Variants in TGFA observed in about 807,000 individuals in gnomAD.
The protein encoded by TGFA is protransforming growth factor alpha.
A neutral mutation model predicts 21.7 loss-of-function variants in TGFA; 12 were observed. The ratio of observed to expected loss-of-function variants is 0.55; its 90% CI spans 0.35 to 0.90. The LOEUF (loss-of-function observed/expected upper bound fraction) is 0.90, where lower values mean the gene tolerates loss of function less well. Among genes scored for constraint, TGFA ranks in the 40% least tolerant of loss-of-function variants. The pLI is 0.01. For missense variants in TGFA, 178 were observed against 210.8 expected (o/e 0.84, Z 0.96); for synonymous variants, 79 against 88.1 (o/e 0.90, Z 0.58).
intron 2 of TGFA, among the ~76,000 whole-genome samples, chr2:70,466,419 A>G (rs1670563390): frequency 6.6e-6 from 1 of 152,202 alleles, no homozygotes; most frequent in South Asian, 2.1e-4. Flanking sequence ...AGGCAGGAGA[A>G]TGGCGAGAAC....
At chr2:70,474,353 G>A (rs1412608867) in intron 2 of TGFA, among the ~76,000 whole-genome samples, 1 of 152,236 alleles carries the variant, frequency 6.6e-6, no homozygotes, top group Non-Finnish European at 1.5e-5. Context: ...AGAAAATTAG[G>A]ATGCTATTCA....
At chr2:70,467,727 G>A (rs1553492555) in intron 2 of TGFA, 1 of 152,026 alleles carries the variant, frequency 6.6e-6, no homozygotes, top group Non-Finnish European at 1.5e-5. Flanking sequence ...TAATATCTTG[G>A]GAGATTTTAG....
intron 2 of TGFA, among the ~76,000 whole-genome samples, chr2:70,511,433 C>T (rs1672097328): frequency 6.6e-6 from 1 of 152,140 alleles, no homozygotes; most frequent in Non-Finnish European, 1.5e-5. Flanking sequence ...AGTCACTCAG[C>T]AGAGACATGA....
In TGFA at chr2:70,550,559, G is replaced by T. The variant is rs1198108488; in HGVS notation, c.40+3169C>A. Reference sequence around the variant, plus strand: ...TCCAGGGCCGGGCACGGTGGCTCACGCCTGTAATCCCAGCCCTTTGGGAGG... The same window carrying T: ...TCCAGGGCCGGGCACGGTGGCTCACTCCTGTAATCCCAGCCCTTTGGGAGG... On this transcript the variant is annotated intron_variant, in intron 1 of 5. Transcript: ENST00000295400. Among the ~76,000 whole-genome samples, 3 of 152,194 alleles carry T rather than the reference G, an allele frequency of 2.0e-5. No homozygotes were observed. In the East Asian group the frequency reaches 5.8e-4, roughly 29 times the overall value.
intron 2 of TGFA, among the ~76,000 whole-genome samples, chr2:70,496,910 T>C (rs1224546404): frequency 4.6e-5 from 7 of 152,182 alleles, no homozygotes; most frequent in Admixed American, 2.0e-4. Flanking sequence ...TGGGTGCTAC[T>C]AAGGAAATGC....
At chr2:70,499,249 C>T (rs1671666840) in intron 2 of TGFA, among the ~76,000 whole-genome samples, 1 of 152,228 alleles carries the variant, frequency 6.6e-6, no homozygotes, top group South Asian at 2.1e-4. Context: ...CTCCTTGGAG[C>T]TAGGTATGGC....
At position 70,500,970 on chromosome 2, in the gene TGFA, C is replaced by CAA. The variant is rs34669349; in HGVS notation, c.94+13887_94+13888dup. Among the ~76,000 whole-genome samples, 550 of 143,872 alleles carry CAA rather than the reference C, an allele frequency of 3.8e-3. 4 individuals are homozygous for CAA. The highest frequency in any genetic ancestry group is 0.013 in the African/African-American group (531 of 39,714). 94.4% of individuals were successfully genotyped at this position (143,872 alleles called of 152,430 possible). On this transcript the variant is annotated intron_variant, in intron 2 of 5. Coordinates refer to ENST00000295400, the MANE Select transcript of TGFA (RefSeq NM_003236.4). ...TTGCCTGTGCTTTTAGGGCCATCTC[C>CAA]AAAAAAAAAAAAAAAATTGCAGAGA...
chr2:70,459,587 G>T lies in TGFA; in HGVS notation c.216-3099C>A, dbSNP rs367775060. 4.6e-5 allele frequency among the ~76,000 whole-genome samples: 7 copies of T among 152,294 alleles called. No homozygotes were observed. In the South Asian group the frequency reaches 1.0e-3, roughly 23 times the overall value. On this transcript the variant is annotated intron_variant, in intron 3 of 5. Transcript: ENST00000295400. The stretch of plus-strand genomic sequence containing the variant: ...GAGGTCTCCTTGCTCAGTGTGGCAA[G>T]GGGCAAAGGTGCCCCCAGACAGTGC...
intron 1 of TGFA, among the ~76,000 whole-genome samples, chr2:70,526,012 C>T (rs1263768064): frequency 6.6e-6 from 1 of 152,136 alleles, no homozygotes; most frequent in African/African-American, 2.4e-5. Context: ...ATTTAGTTTC[C>T]AACTGTATAT....
At chr2:70,500,534 GTAC>G (rs1395064138) in intron 2 of TGFA, among the ~76,000 whole-genome samples, 3 of 152,074 alleles carry the variant, frequency 2.0e-5, no homozygotes, top group African/African-American at 7.2e-5. Flanking sequence ...AAATGAGTTA[GTAC>G]TACTTTTTTT....
chr2:70,474,912 C>G (rs1670874736), intron 2 of TGFA, among the ~76,000 whole-genome samples: 1 of 151,586 alleles, frequency 6.6e-6, no homozygotes. Context: ...GGTAAAGAAA[C>G]ACACAATTTA....
At position 70,453,225 on chromosome 2, in the gene TGFA, T is replaced by C. The variant is rs1670115869; in HGVS notation, c.468A>G (p.Ser156=). Residue 156 remains serine (S), a synonymous_variant, in exon 5 of 6, where the codon TCA becomes TCG. Coordinates refer to ENST00000295400, the MANE Select transcript of TGFA (RefSeq NM_003236.4). ...AGAGAAGAGTCTCCTTACCTGTTTCTGAGTGGCAGCAAGCGGTTCTTCCCT... is the reference window on the plus strand; with the variant it reads ...AGAGAAGAGTCTCCTTACCTGTTTCCGAGTGGCAGCAAGCGGTTCTTCCCT... ...LLKGRTACCH[S]ETVV is the part of the protein sequence containing the mutation. The C allele has an allele frequency of 9.9e-6, 16 of 1,613,772 alleles. No individual in the cohort carries two copies. Among genetic ancestry groups the C allele is most frequent in the Non-Finnish European group, 1.3e-5 (15 of 1,179,680 alleles).
intron 1 of TGFA, among the ~76,000 whole-genome samples, chr2:70,552,632 C>T (rs1553506976): frequency 6.6e-6 from 1 of 152,162 alleles, no homozygotes; most frequent in Admixed American, 6.5e-5. Context: ...TTTTAATCAG[C>T]GTTTCTAGGG....
chr2:70,458,322 T>C (rs1375350518), intron 3 of TGFA, among the ~76,000 whole-genome samples: 2 of 152,146 alleles, frequency 1.3e-5, no homozygotes, highest in Non-Finnish European at 2.9e-5. Flanking sequence ...TCCCTCCCTC[T>C]AGCTCCTCCT....
chr2:70,480,810 AC>A (rs1671092130), intron 2 of TGFA, among the ~76,000 whole-genome samples: 1 of 139,760 alleles, frequency 7.2e-6, no homozygotes, highest in African/African-American at 2.6e-5. Flanking sequence ...CAGAGCTGCA[AC>A]CCCCCTCCCT....
rs1377425798 is a variant in TGFA at position 70,448,193 on chromosome 2, GCTGT to G, written c.*2662_*2665del. Reference sequence around the variant, plus strand: ...CCTGTCTTCCAGATCAGGGTTGGCTGCTGTCTATCTTTCCATGTAGAAGAAAACA... The same window carrying G: ...CCTGTCTTCCAGATCAGGGTTGGCTGCTATCTTTCCATGTAGAAGAAAACA... On this transcript the variant is annotated 3_prime_UTR_variant, in exon 6 of 6. Coordinates refer to ENST00000295400, the MANE Select transcript of TGFA (RefSeq NM_003236.4). The G allele has an allele frequency of 6.6e-6, 1 of 152,182 alleles. No homozygotes were observed. The allele number at this position is 152,182 out of a possible 1,614,324, so 9.4% of individuals were successfully genotyped here.
rs1670119028 is a variant in TGFA, at chr2:70,453,289, G to T, written c.404C>A (p.Ala135Asp). 4.3e-6 allele frequency: 7 copies of T among 1,614,034 alleles called. No individual in the cohort carries two copies. The highest frequency in any genetic ancestry group is 1.1e-5 in the South Asian group (1 of 91,070). ...QVRKHCEWCR[A>D]LICRHEKPSA... ...GGGCTTCTCGTGCCGGCAGATGAGG[G>T]CCCGGCACCACTCACAGTGTTTTCG... The change falls in exon 5 of 6, where the codon GCC becomes GAC. Residue 135 changes from alanine to aspartate, a missense_variant. Transcript: ENST00000295400.
chr2:70,473,182 A>C (rs1452153284), intron 2 of TGFA, among the ~76,000 whole-genome samples: 1 of 152,176 alleles, frequency 6.6e-6, no homozygotes, highest in East Asian at 1.9e-4. Flanking sequence ...CAGCAGGCCC[A>C]GTTTACAAGG....
At chr2:70,539,335 G>C (rs1553504903) in intron 1 of TGFA, among the ~76,000 whole-genome samples, 1 of 151,990 alleles carries the variant, frequency 6.6e-6, no homozygotes, top group Non-Finnish European at 1.5e-5. Context: ...AAATGGCAGA[G>C]AGAGGGAACT....
Sources: allele counts gnomAD v4.1 joint callset (sites outside exome capture counted in the v4.1 genomes callset), GRCh38; gene constraint gnomAD v4.1.1; transcripts MANE v1.5; gene names NCBI Gene and HGNC (gene_info 2026-07-23, HGNC 2026-07-21).